GRM1: variants seen among roughly 807,000 people sequenced by gnomAD.
GRM1 encodes the protein glutamate metabotropic receptor 1, also known as metabotropic glutamate receptor 1.
A neutral mutation model predicts 90.9 loss-of-function variants in GRM1; 33 were observed. The ratio of observed to expected loss-of-function variants is 0.36; its 90% CI spans 0.28 to 0.49. GRM1 has a LOEUF of 0.49. Ranked by LOEUF, GRM1 falls within the 20% of genes least tolerant of loss-of-function variation. GRM1 has a pLI of 0.99. For missense variants in GRM1, 1,190 were observed against 1,534.3 expected (o/e 0.78, Z 3.75); for synonymous variants, 700 against 613.2 (o/e 1.14, Z -2.09).
At chr6:146,337,246 C>T (rs1004739339) in intron 3 of GRM1, among the ~76,000 whole-genome samples, 8 of 152,210 alleles carry the variant, frequency 5.3e-5, no homozygotes, top group Non-Finnish European at 1.0e-4. Flanking sequence ...CTCTCCCAGT[C>T]TCTCTCATGT....
intron 2 of GRM1, among the ~76,000 whole-genome samples, chr6:146,187,383 C>T (rs1778770230): frequency 6.6e-6 from 1 of 152,030 alleles, no homozygotes; most frequent in Admixed American, 6.6e-5. Flanking sequence ...GTTTTGTTTT[C>T]CAAATGAGGA....
intron 5 of GRM1, among the ~76,000 whole-genome samples, chr6:146,380,833 G>C (rs982133039): frequency 6.6e-6 from 1 of 152,108 alleles, no homozygotes; most frequent in Non-Finnish European, 1.5e-5. Context: ...CAGTTAGCAG[G>C]TGATAAATGC....
At chr6:146,244,560 TCAGTTGGCAA>T (rs1198921596) in intron 2 of GRM1, among the ~76,000 whole-genome samples, 2 of 152,206 alleles carry the variant, frequency 1.3e-5, no homozygotes, top group Non-Finnish European at 2.9e-5. Context: ...AGTTGTTCAA[TCAGTTGGCAA>T]CAGTTACCTT....
chr6:146,185,356 C>T (rs1288415569), intron 2 of GRM1, among the ~76,000 whole-genome samples: 1 of 152,178 alleles, frequency 6.6e-6, no homozygotes, highest in African/African-American at 2.4e-5. Context: ...CTGTGCCATA[C>T]AGCCAAGACT....
At chr6:146,277,034 T>C (rs918616779) in intron 2 of GRM1, among the ~76,000 whole-genome samples, 1 of 152,082 alleles carries the variant, frequency 6.6e-6, no homozygotes, top group Admixed American at 6.6e-5. Flanking sequence ...CCAAGGAGAT[T>C]GAGGCTGCAG....
At chr6:146,236,582 G>A (rs1448304856) in intron 2 of GRM1, among the ~76,000 whole-genome samples, 4 of 151,938 alleles carry the variant, frequency 2.6e-5, no homozygotes, top group African/African-American at 9.7e-5. Flanking sequence ...CCTTCTCAAG[G>A]GTTCTTCTTC....
intron 1 of GRM1, among the ~76,000 whole-genome samples, chr6:146,158,287 CAA>C (rs911002976): frequency 2.0e-5 from 3 of 151,842 alleles, no homozygotes; most frequent in East Asian, 1.9e-4. Context: ...AAGAAGGAAA[CAA>C]GAGGGAGGAT....
At chr6:146,081,280 A>T (rs1283826035) in intron 1 of GRM1, among the ~76,000 whole-genome samples, 1 of 152,224 alleles carries the variant, frequency 6.6e-6, no homozygotes, top group Non-Finnish European at 1.5e-5. Flanking sequence ...ATCTGAAATT[A>T]TTTCAAAATA....
chr6:146,240,502 T>C (rs766576433), intron 2 of GRM1, among the ~76,000 whole-genome samples: 41 of 151,996 alleles, frequency 2.7e-4, no homozygotes, highest in Non-Finnish European at 4.6e-4. Context: ...GGAACAGAGC[T>C]ACTGGCCAGA....
chr6:146,393,141 C>A (rs1383101432), intron 6 of GRM1, among the ~76,000 whole-genome samples: 1 of 152,144 alleles, frequency 6.6e-6, no homozygotes, highest in Non-Finnish European at 1.5e-5. Context: ...CTAATTTACA[C>A]TCCTACCAAC....
At chr6:146,146,740 C>T (rs2128886278) in intron 1 of GRM1, among the ~76,000 whole-genome samples, 1 of 152,256 alleles carries the variant, frequency 6.6e-6, no homozygotes, top group South Asian at 2.1e-4. Context: ...ATGCCCTGTG[C>T]CAACTCTGGG....
chr6:146,264,136 C>T (rs6904501), intron 2 of GRM1, among the ~76,000 whole-genome samples: 1 of 151,984 alleles, frequency 6.6e-6, no homozygotes, highest in African/African-American at 2.4e-5. Flanking sequence ...TGCAACTGAA[C>T]ATTTGCTGTA....
At chr6:146,115,997 C>T (rs1583023627) in intron 1 of GRM1, among the ~76,000 whole-genome samples, 1 of 152,284 alleles carries the variant, frequency 6.6e-6, no homozygotes, top group African/African-American at 2.4e-5. Context: ...TCTGCCCAGG[C>T]TGGAGTGCAA....
chr6:146,403,933 T>G (rs1777242887), intron 7 of GRM1, among the ~76,000 whole-genome samples: 1 of 152,110 alleles, frequency 6.6e-6, no homozygotes, highest in Non-Finnish European at 1.5e-5. Context: ...CATCTATCAT[T>G]TCAAACATTT....
At chr6:146,362,504 C>A (rs1264054506) in intron 5 of GRM1, among the ~76,000 whole-genome samples, 23 of 151,742 alleles carry the variant, frequency 1.5e-4, no homozygotes, top group African/African-American at 5.1e-4. Flanking sequence ...ATGGTGAAAC[C>A]CCATCTCTAC....
chr6:146,293,638 G>A (rs888882292), intron 2 of GRM1, among the ~76,000 whole-genome samples: 2 of 151,838 alleles, frequency 1.3e-5, no homozygotes, highest in South Asian at 2.1e-4. Flanking sequence ...TCCTCAGTTG[G>A]AGAATATTCA....
At chr6:146,249,609 C>G (rs907372411) in intron 2 of GRM1, among the ~76,000 whole-genome samples, 4 of 152,106 alleles carry the variant, frequency 2.6e-5, no homozygotes, top group Non-Finnish European at 4.4e-5. Context: ...AGAAGTCTAC[C>G]GCAGGGGTGG....
At chr6:146,227,973 T>A (rs1780845295) in intron 2 of GRM1, among the ~76,000 whole-genome samples, 1 of 152,184 alleles carries the variant, frequency 6.6e-6, no homozygotes. Context: ...TTTTTTCTTT[T>A]GTTGTTGTCA....
At chr6:146,046,813 T>C (rs1791348812) in intron 1 of GRM1, among the ~76,000 whole-genome samples, 1 of 152,016 alleles carries the variant, frequency 6.6e-6, no homozygotes, top group Admixed American at 6.6e-5. Context: ...CTTACCATTG[T>C]TTTTAGTCCA....
Sources: gnomAD v4.1 joint callset for allele counts (sites outside exome capture counted in the v4.1 genomes callset) on GRCh38, gnomAD v4.1.1 for gene constraint, MANE v1.5 for transcripts, NCBI Gene and HGNC (gene_info 2026-07-23, HGNC 2026-07-21) for gene names.